The following ZFHX3 variants were observed in gnomAD, a reference collection of about 807,000 sequenced individuals.
ZFHX3 encodes the protein zinc finger homeobox 3.
In ZFHX3, 42 loss-of-function variants were observed where a neutral mutation model predicts 279.1. The ratio of observed to expected loss-of-function variants is 0.15; its 90% CI spans 0.12 to 0.19. ZFHX3 has a LOEUF of 0.19. Ranked by LOEUF, ZFHX3 falls within the 10% of genes least tolerant of loss-of-function variation. The pLI is 1.00. For missense variants in ZFHX3, 4,981 were observed against 4,754.0 expected (o/e 1.05, Z -1.40); for synonymous variants, 2,293 against 1,957.8 (o/e 1.17, Z -4.52).
At chr16:73,791,709 C>A (rs1008608616) in intron 1 of ZFHX3, among the ~76,000 whole-genome samples, 3 of 152,236 alleles carry the variant, frequency 2.0e-5, no homozygotes, top group African/African-American at 7.2e-5. Flanking sequence ...AGGCGTGAGC[C>A]ACCGCACCCA....
intron 5 of ZFHX3, among the ~76,000 whole-genome samples, chr16:72,825,054 T>G (rs956529249): frequency 2.0e-5 from 3 of 152,234 alleles, no homozygotes; most frequent in African/African-American, 7.2e-5. Context: ...ACTCACCCTC[T>G]TGGAACTCTC....
intron 3 of ZFHX3, among the ~76,000 whole-genome samples, chr16:73,387,864 T>G (rs977949402): frequency 6.6e-6 from 1 of 152,044 alleles, no homozygotes; most frequent in Admixed American, 6.6e-5. Context: ...AGATCATGTA[T>G]GACAGTCCTA....
At chr16:73,042,425 G>A (rs574290387) in intron 1 of ZFHX3, among the ~76,000 whole-genome samples, 6 of 152,252 alleles carry the variant, frequency 3.9e-5, no homozygotes, top group African/African-American at 1.4e-4. Context: ...TTTTTCTCCA[G>A]TCACACTCCT....
intron 4 of ZFHX3, among the ~76,000 whole-genome samples, chr16:72,874,550 A>T (rs2038257726): frequency 6.6e-6 from 1 of 151,998 alleles, no homozygotes; most frequent in Non-Finnish European, 1.5e-5. Context: ...GCTTGGTGAG[A>T]ATGGCTACAT....
At chr16:73,712,324 T>A (rs1012184871) in intron 1 of ZFHX3, among the ~76,000 whole-genome samples, 5 of 152,196 alleles carry the variant, frequency 3.3e-5, no homozygotes, top group Middle Eastern at 3.2e-3. Flanking sequence ...GCTGCCCTTC[T>A]TCCTTGGGGA....
In ZFHX3 at chr16:72,787,643, T is replaced by A; in HGVS notation, c.10633A>T (p.Ser3545Cys). 1.2e-6 allele frequency: 2 copies of A among 1,610,620 alleles called. No homozygotes were observed. The highest frequency in any genetic ancestry group is 2.2e-5 in the East Asian group (1 of 44,464). The change falls in exon 10 of 10, where the codon AGT (serine) becomes TGT (cysteine). Residue 3545 changes from serine to cysteine, a missense_variant. This residue lies in a region of ZFHX3 where 1,034 missense variants were observed against 786.0 expected (regional missense o/e 1.32). Transcript: ENST00000268489. The stretch of plus-strand genomic sequence containing the variant: ...TGCAAGGCCGACTCGAGATGTTGAC[T>A]CAGAGCTTCCTCCCCACAGAGCGCG... The part of the protein sequence containing the change: ...ESALCGEEAL[S>C]QHLESALHKH...
chr16:73,064,067 A>G (rs751929084), upstream of ZFHX3, among the ~76,000 whole-genome samples: 2 of 152,156 alleles, frequency 1.3e-5, no homozygotes, highest in Admixed American at 1.3e-4. Context: ...CGAGGATGGC[A>G]TTTAGGACGA....
chr16:73,445,668 G>A (rs1170163783), intron 3 of ZFHX3, among the ~76,000 whole-genome samples: 1 of 152,158 alleles, frequency 6.6e-6, no homozygotes, highest in Non-Finnish European at 1.5e-5. Flanking sequence ...ATCACTTCAG[G>A]TCACAGAAAC....
intron 1 of ZFHX3, among the ~76,000 whole-genome samples, chr16:73,761,681 A>G (rs930907773): frequency 5.9e-5 from 9 of 152,212 alleles, no homozygotes; most frequent in African/African-American, 2.2e-4. Flanking sequence ...ATAAGACTGC[A>G]CATCTGCAAC....
chr16:72,832,816 T>C (rs1216908537), intron 4 of ZFHX3, among the ~76,000 whole-genome samples: 1 of 152,214 alleles, frequency 6.6e-6, no homozygotes, highest in East Asian at 1.9e-4. Context: ...CCTGAGCATG[T>C]GGAAATAATA....
At chr16:73,366,330 A>T (rs1360350505) in intron 3 of ZFHX3, among the ~76,000 whole-genome samples, 1 of 152,192 alleles carries the variant, frequency 6.6e-6, no homozygotes, top group Non-Finnish European at 1.5e-5. Context: ...AAGATTTTGT[A>T]GCACCATTTT....
At chr16:73,674,507 C>T (rs2052934516) in intron 2 of ZFHX3, among the ~76,000 whole-genome samples, 3 of 152,216 alleles carry the variant, frequency 2.0e-5, no homozygotes, top group Non-Finnish European at 4.4e-5. Flanking sequence ...CAACACTCAG[C>T]ATGAATTCCT....
intron 1 of ZFHX3, among the ~76,000 whole-genome samples, chr16:73,030,720 T>C (rs1964668495): frequency 1.3e-5 from 2 of 152,168 alleles, no homozygotes; most frequent in African/African-American, 4.8e-5. Flanking sequence ...ACCAACTTGC[T>C]ACCAAGAGTT....
intron 3 of ZFHX3, among the ~76,000 whole-genome samples, chr16:72,930,489 T>C (rs1959727914): frequency 6.6e-6 from 1 of 151,878 alleles, no homozygotes. Flanking sequence ...ATTTTATAAG[T>C]GCAAAGTATC....
intron 2 of ZFHX3, among the ~76,000 whole-genome samples, chr16:73,458,683 A>C (rs2018420083): frequency 6.6e-6 from 1 of 151,764 alleles, no homozygotes; most frequent in African/African-American, 2.4e-5. Context: ...TCCCTCGGTC[A>C]CCTCTCCCTA....
intron 2 of ZFHX3, among the ~76,000 whole-genome samples, chr16:73,520,641 G>A (rs1165747778): frequency 6.6e-6 from 1 of 152,130 alleles, no homozygotes; most frequent in Non-Finnish European, 1.5e-5. Context: ...AACATCTGGT[G>A]TCTAGCAAGC....
chr16:73,086,260 G>GCAGAAAAAGGGGAACCCAC (rs1216115796), intron 8 of ZFHX3, among the ~76,000 whole-genome samples: 4 of 152,200 alleles, frequency 2.6e-5, no homozygotes, highest in Non-Finnish European at 5.9e-5. Flanking sequence ...GTGCACTGTT[G>GCAGAAAAAGGGGAACCCAC]GTGGGAATGT....
intron 2 of ZFHX3, among the ~76,000 whole-genome samples, chr16:73,488,705 A>G (rs2019013458): frequency 6.6e-6 from 1 of 152,340 alleles, no homozygotes; most frequent in African/African-American, 2.4e-5. Flanking sequence ...AAGATGTACA[A>G]AATCCAGCAA....
intron 8 of ZFHX3, chr16:73,092,835 C>T (rs1375098792): frequency 1.0e-5 from 5 of 479,284 alleles, no homozygotes; most frequent in South Asian, 7.8e-5. Context: ...GAACAGACGG[C>T]TCATGCAGAC....
Sources: gnomAD v4.1 joint callset for allele counts (sites outside exome capture counted in the v4.1 genomes callset) on GRCh38, gnomAD v4.1.1 for gene constraint, gnomAD v4.1.1 regional missense constraint, MANE v1.5 for transcripts, NCBI Gene and HGNC (gene_info 2026-07-23, HGNC 2026-07-21) for gene names.